TRPC6: variants seen among roughly 807,000 people sequenced by gnomAD.
TRPC6 encodes short transient receptor potential channel 6.
In TRPC6, 55 loss-of-function variants were observed where a neutral mutation model predicts 90.7. That is an observed-to-expected ratio of 0.61 (90% CI 0.49 to 0.76). The LOEUF (loss-of-function observed/expected upper bound fraction) is 0.76, where lower values mean the gene tolerates loss of function less well. TRPC6 is among the 30% of genes least tolerant of loss of function. The probability of loss-of-function intolerance (pLI) is 0.00; values close to 1 mark genes in which losing one functional copy is unlikely to be tolerated. For missense variants in TRPC6, 989 were observed against 1,122.7 expected, an observed-to-expected ratio of 0.88 and a Z score of 1.70; for synonymous variants, 393 against 393.0, an observed-to-expected ratio of 1.00 and a Z score of 0.00.
At chr11:101,541,953 T>C (rs1861182421) in intron 1 of TRPC6, among the ~76,000 whole-genome samples, 1 of 152,174 alleles carries the variant, frequency 6.6e-6, no homozygotes, top group Admixed American at 6.5e-5. Context: ...AAGTTTGGAA[T>C]ATCTGGAAAA....
intron 1 of TRPC6, among the ~76,000 whole-genome samples, chr11:101,526,310 G>A (rs1463719185): frequency 6.6e-6 from 1 of 152,006 alleles, no homozygotes; most frequent in Non-Finnish European, 1.5e-5. Context: ...CATGCGAAAT[G>A]GTATTACATG....
chr11:101,535,399 T>A lies in TRPC6; in HGVS notation c.171-30601A>T, dbSNP rs534118099. ...CTTATTCCCTAATCTTATTATTATTTTTTTTTTTTGCTTTAACCTTTGTTA... is the reference window on the plus strand; with the variant it reads ...CTTATTCCCTAATCTTATTATTATTATTTTTTTTTGCTTTAACCTTTGTTA... On this transcript the variant is annotated intron_variant, in intron 1 of 12. Transcript: ENST00000344327. 3.0e-4 allele frequency among the ~76,000 whole-genome samples: 44 copies of A among 148,656 alleles called. No individual in the cohort carries two copies. The South Asian group carries it at 6.5e-3, about 22-fold the overall frequency.
At chr11:101,531,878 C>G (rs1860919507) in intron 1 of TRPC6, among the ~76,000 whole-genome samples, 1 of 152,190 alleles carries the variant, frequency 6.6e-6, no homozygotes, top group Admixed American at 6.6e-5. Flanking sequence ...TATTGTAGAA[C>G]CGCCCTAAGC....
Position 101,452,752 on chromosome 11 carries a change from CATT to C in TRPC6, c.*200_*202del. ...CCAAACAACTGGGCATAATTTTCCT[CATT>C]ATCTACAGCCTTTACCCTGAACAAT... On this transcript the variant is annotated 3_prime_UTR_variant, in exon 13 of 13. Coordinates refer to ENST00000344327, the MANE Select transcript of TRPC6 (RefSeq NM_004621.6). The C allele has an allele frequency of 1.7e-6, 1 of 582,554 alleles. No individual in the cohort carries two copies. The highest frequency in any genetic ancestry group is 3.0e-6 in the Non-Finnish European group (1 of 331,720). The allele number at this position is 582,554 out of a possible 1,614,324, so 36.1% of individuals were successfully genotyped here.
intron 1 of TRPC6, among the ~76,000 whole-genome samples, chr11:101,508,014 A>G (rs2136751208): frequency 6.6e-6 from 1 of 152,040 alleles, no homozygotes. Context: ...AATTTCTTCA[A>G]CTTTAGATTA....
chr11:101,478,237 G>A lies in TRPC6; in HGVS notation c.1511-1703C>T, dbSNP rs75380375. 9.3e-3 allele frequency among the ~76,000 whole-genome samples: 1,419 copies of A among 152,308 alleles called. 15 individuals carry two copies. The highest frequency in any genetic ancestry group is 0.014 in the Middle Eastern group (4 of 294). On this transcript the variant is annotated intron_variant, in intron 5 of 12. Transcript: ENST00000344327. ...CATTAAGTGCAGCATAGAGGACATG[G>A]ATTTAAGAGAAGACTTCATTACTTA...
chr11:101,455,368 G>A (rs1055256939), intron 10 of TRPC6: 20 of 378,300 alleles, frequency 5.3e-5, no homozygotes, highest in African/African-American at 1.9e-4. Context: ...TGAGAATCAC[G>A]CGTTAACCTT....
At chr11:101,460,390 G>T (rs187404878) in intron 10 of TRPC6, among the ~76,000 whole-genome samples, 28 of 152,052 alleles carry the variant, frequency 1.8e-4, no homozygotes, top group Non-Finnish European at 3.1e-4. Flanking sequence ...TACAATGCTC[G>T]ATATAATTTT....
rs1372316873 is a variant in TRPC6 at position 101,504,512 on chromosome 11, G to C, written c.457C>G (p.Leu153Val). 6.2e-7 allele frequency: 1 copy of C among 1,614,106 alleles called. No homozygotes were observed. The highest frequency in any genetic ancestry group is 1.6e-4 in the Middle Eastern group (1 of 6,062). The change falls in exon 2 of 13, where the codon CTC becomes GTC. Residue 153 changes from leucine to valine, a missense_variant. By Grantham distance (32) the Leu-to-Val change is conservative. Around this residue, in one of 4 missense-constraint regions of TRPC6, gnomAD observed 486 missense variants for 591.9 expected, o/e 0.82. Transcript: ENST00000344327. ...ACTCGAGAGAGGTTTTCTTTCTTGAGAAGAAGTTCTGTAATTTCCAGATGC... is the reference window on the plus strand; with the variant it reads ...ACTCGAGAGAGGTTTTCTTTCTTGACAAGAAGTTCTGTAATTTCCAGATGC... ...NEHLEITELL[L>V]KKENLSRVGD...
At chr11:101,457,366 A>C (rs866499459) in intron 10 of TRPC6, among the ~76,000 whole-genome samples, 1 of 152,288 alleles carries the variant, frequency 6.6e-6, no homozygotes, top group South Asian at 2.1e-4. Flanking sequence ...TGATATTAAC[A>C]TTTCTCATCT....
chr11:101,513,977 TTCAC>T (rs776782024), intron 1 of TRPC6, among the ~76,000 whole-genome samples: 1 of 152,318 alleles, frequency 6.6e-6, no homozygotes, highest in Admixed American at 6.5e-5. Context: ...CAGTACAGGT[TTCAC>T]TCTATATGTG....
At chr11:101,466,815 C>T (rs1002250368) in intron 10 of TRPC6, among the ~76,000 whole-genome samples, 1 of 152,172 alleles carries the variant, frequency 6.6e-6, no homozygotes, top group Non-Finnish European at 1.5e-5. Flanking sequence ...CCCAAACAGC[C>T]GCCCAGTTTT....
At chr11:101,477,253 C>T (rs762283659) in intron 5 of TRPC6, among the ~76,000 whole-genome samples, 1 of 151,420 alleles carries the variant, frequency 6.6e-6, no homozygotes. Context: ...GTATCCCTGC[C>T]TGAGAGCCCT....
chr11:101,571,183 A>G (rs1322575792), intron 1 of TRPC6, among the ~76,000 whole-genome samples: 1 of 152,218 alleles, frequency 6.6e-6, no homozygotes, highest in African/African-American at 2.4e-5. Context: ...CTCAGGATAC[A>G]AAGTCAATGT....
intron 3 of TRPC6, among the ~76,000 whole-genome samples, chr11:101,490,843 A>G (rs1859788553): frequency 6.6e-6 from 1 of 152,236 alleles, no homozygotes; most frequent in Non-Finnish European, 1.5e-5. Flanking sequence ...TTCCACCAAT[A>G]AAAATGCAGC....
intron 2 of TRPC6, among the ~76,000 whole-genome samples, chr11:101,501,113 A>C (rs1284909844): frequency 6.6e-6 from 1 of 151,966 alleles, no homozygotes; most frequent in Non-Finnish European, 1.5e-5. Flanking sequence ...ACATACATAC[A>C]TACATACATA....
intron 11 of TRPC6, among the ~76,000 whole-genome samples, chr11:101,454,056 G>A (rs1202297129): frequency 6.6e-6 from 1 of 152,092 alleles, no homozygotes; most frequent in Non-Finnish European, 1.5e-5. Context: ...GGTAAAAGAT[G>A]TACACTACTG....
At chr11:101,494,078 A>T (rs569429009) in intron 2 of TRPC6, among the ~76,000 whole-genome samples, 1 of 152,194 alleles carries the variant, frequency 6.6e-6, no homozygotes, top group Non-Finnish European at 1.5e-5. Flanking sequence ...GGCAGATAGC[A>T]TCTAGAGTGT....
At chr11:101,521,850 G>C (rs947852813) in intron 1 of TRPC6, among the ~76,000 whole-genome samples, 32 of 152,204 alleles carry the variant, frequency 2.1e-4, no homozygotes, top group African/African-American at 7.5e-4. Flanking sequence ...TTTCAGACTT[G>C]TACAGGGCCT....
Sources: gnomAD v4.1 joint callset for allele counts (sites outside exome capture counted in the v4.1 genomes callset) on GRCh38, gnomAD v4.1.1 for gene constraint, gnomAD v4.1.1 regional missense constraint, MANE v1.5 for transcripts, NCBI Gene and HGNC (gene_info 2026-07-23, HGNC 2026-07-21) for gene names.